The following RYR2 variants were observed in gnomAD, a reference collection of about 807,000 sequenced individuals.
RYR2 encodes the protein cardiac muscle ryanodine receptor-calcium release channel.
RYR2 carries 227 observed loss-of-function variants against 601.1 expected under a neutral mutation model. That is an observed-to-expected ratio of 0.38 (90% CI 0.34 to 0.42). The LOEUF (loss-of-function observed/expected upper bound fraction) is 0.42, where lower values mean the gene tolerates loss of function less well. RYR2 is among the 10% of genes least tolerant of loss of function. The pLI is 1.00. For missense variants in RYR2, 4,646 were observed against 6,156.5 expected (o/e 0.75, Z 8.21); for synonymous variants, 2,223 against 2,175.1 (o/e 1.02, Z -0.61).
chr1:237,612,130 T>C (rs1677945369), intron 36 of RYR2, among the ~76,000 whole-genome samples: 1 of 152,184 alleles, frequency 6.6e-6, no homozygotes. Flanking sequence ...TGCAAGAACT[T>C]TGAAGACATT....
chr1:237,803,516 G>A (rs532096317), intron 98 of RYR2, among the ~76,000 whole-genome samples: 7 of 152,134 alleles, frequency 4.6e-5, no homozygotes, highest in South Asian at 4.2e-4. Flanking sequence ...TAGCCAGGAT[G>A]GTCTCGATCT....
intron 29 of RYR2, among the ~76,000 whole-genome samples, chr1:237,578,472 A>C (rs146640850): frequency 6.6e-6 from 1 of 152,264 alleles, no homozygotes; most frequent in East Asian, 1.9e-4. Flanking sequence ...CATATCCTAC[A>C]TAGTCCTTTG....
rs561016666 is a variant in RYR2, at chr1:237,419,638, A to G, written c.848+2515A>G. ...AGAGCAGGTAGTTTTTCAACCATTT[A>G]GCAGCTTAAAGAGAGATGTTTTGTT... is the stretch of plus-strand genomic sequence containing the variant. On this transcript the variant is annotated intron_variant, in intron 11 of 104. Coordinates refer to ENST00000366574, the MANE Select transcript of RYR2 (RefSeq NM_001035.3). Among the ~76,000 whole-genome samples, 39 of 152,304 alleles carry G rather than the reference A, an allele frequency of 2.6e-4. 1 individual carries two copies. The South Asian group carries it at 7.5e-3, about 29-fold the overall frequency.
At chr1:237,093,301 A>G (rs6428990) in intron 1 of RYR2, among the ~76,000 whole-genome samples, 138,666 of 152,158 alleles carry the variant, frequency 0.91, 63,910 homozygotes, top group Non-Finnish European at 0.99. Flanking sequence ...ACGACCTCAG[A>G]AGCCCATAGT....
At position 237,059,560 on chromosome 1, in the gene RYR2, T is replaced by G. The variant is rs556574842; in HGVS notation, c.48+16991T>G. Among the ~76,000 whole-genome samples the G allele has an allele frequency of 1.6e-4, 25 of 152,314 alleles. 1 individual carries two copies. In the South Asian group the frequency reaches 4.8e-3, roughly 29 times the overall value. On this transcript the variant is annotated intron_variant, in intron 1 of 104. Coordinates refer to ENST00000366574, the MANE Select transcript of RYR2 (RefSeq NM_001035.3). ...GGGCAGGGAAAAATTATTGCTGAAG[T>G]GTTTTTGATAAGATTCTTCTGTGCC...
chr1:237,371,880 C>T (rs1700671126), intron 6 of RYR2, among the ~76,000 whole-genome samples: 1 of 152,100 alleles, frequency 6.6e-6, no homozygotes, highest in South Asian at 2.1e-4. Context: ...GGGAACATCA[C>T]ACACCGGGGC....
At chr1:237,217,971 T>A (rs1280278210) in intron 1 of RYR2, among the ~76,000 whole-genome samples, 1 of 152,248 alleles carries the variant, frequency 6.6e-6, no homozygotes, top group East Asian at 1.9e-4. Context: ...TAGTGACTAA[T>A]AACTTTGTGG....
At chr1:237,802,526 T>C (rs2794821) in intron 98 of RYR2, among the ~76,000 whole-genome samples, 56,501 of 152,056 alleles carry the variant, frequency 0.37, 11,061 homozygotes, top group East Asian at 0.63. Flanking sequence ...TCTATCCTTA[T>C]CCCTTCCCTC....
intron 1 of RYR2, among the ~76,000 whole-genome samples, chr1:237,188,867 T>C (rs1679657860): frequency 1.3e-5 from 2 of 152,228 alleles, no homozygotes; most frequent in African/African-American, 2.4e-5. Flanking sequence ...ATTTTTATTT[T>C]GTCTTCTTGT....
intron 26 of RYR2, among the ~76,000 whole-genome samples, chr1:237,550,159 C>G (rs141082687): frequency 3.9e-4 from 60 of 152,280 alleles, no homozygotes; most frequent in African/African-American, 1.3e-3. Flanking sequence ...CTGAAAACCA[C>G]TGAGGGAGAA....
At chr1:237,505,998 T>C (rs1665184015) in intron 22 of RYR2, among the ~76,000 whole-genome samples, 1 of 152,274 alleles carries the variant, frequency 6.6e-6, no homozygotes, top group African/African-American at 2.4e-5. Context: ...CGCTCAAAGA[T>C]CCGATGGACT....
At chr1:237,668,581 A>G (rs1259352168) in intron 58 of RYR2, among the ~76,000 whole-genome samples, 2 of 152,190 alleles carry the variant, frequency 1.3e-5, no homozygotes, top group Non-Finnish European at 2.9e-5. Flanking sequence ...ATGACTTCCT[A>G]TATGGTTTTC....
At chr1:237,460,124 G>A (rs1363102858) in intron 16 of RYR2, among the ~76,000 whole-genome samples, 4 of 152,072 alleles carry the variant, frequency 2.6e-5, no homozygotes, top group Admixed American at 2.0e-4. Context: ...CCTCTAGTGC[G>A]GCCTTTTCTT....
intron 1 of RYR2, among the ~76,000 whole-genome samples, chr1:237,113,294 G>A (rs1374556000): frequency 6.6e-6 from 1 of 152,010 alleles, no homozygotes; most frequent in African/African-American, 2.4e-5. Context: ...TGCCTCCTGG[G>A]TTCAAGCAAT....
At chr1:237,517,237 A>C (rs927826944) in intron 24 of RYR2, among the ~76,000 whole-genome samples, 1 of 151,796 alleles carries the variant, frequency 6.6e-6, no homozygotes, top group African/African-American at 2.4e-5. Context: ...TCTCCTCCCT[A>C]CTCATCCCTC....
intron 101 of RYR2, among the ~76,000 whole-genome samples, chr1:237,823,176 C>A (rs1158080049): frequency 3.3e-5 from 5 of 152,150 alleles, no homozygotes; most frequent in African/African-American, 4.8e-5. Flanking sequence ...CTGGACCAAG[C>A]AGACCTAACA....
Position 237,446,390 on chromosome 1 carries a change from A to T in RYR2, c.1292+868A>T, listed in dbSNP as rs144388949. 3.1e-3 allele frequency among the ~76,000 whole-genome samples: 470 copies of T among 152,116 alleles called. 2 individuals are homozygous for T. The highest frequency in any genetic ancestry group is 0.011 in the African/African-American group (454 of 41,474). On this transcript the variant is annotated intron_variant, in intron 14 of 104. Transcript: ENST00000366574. ...TTCATTTATTTTTTCTTTTGTGTTT[A>T]ATCCTATTATTTGTTAATATTTCTG...
intron 1 of RYR2, among the ~76,000 whole-genome samples, chr1:237,178,767 T>C (rs1260622956): frequency 6.6e-6 from 1 of 152,100 alleles, no homozygotes; most frequent in African/African-American, 2.4e-5. Context: ...ATTACAACAT[T>C]GTACTCTAGC....
chr1:237,671,512 T>C (rs543778642), intron 58 of RYR2, among the ~76,000 whole-genome samples: 1 of 150,788 alleles, frequency 6.6e-6, no homozygotes, highest in Non-Finnish European at 1.5e-5. Flanking sequence ...GGTGTGTGTG[T>C]GTGTGTGCGT....
Sources: gnomAD v4.1 joint callset for allele counts (sites outside exome capture counted in the v4.1 genomes callset) on GRCh38, gnomAD v4.1.1 for gene constraint, MANE v1.5 for transcripts, NCBI Gene and HGNC (gene_info 2026-07-23, HGNC 2026-07-21) for gene names.